The following SH2B1 variants were observed in gnomAD, a reference collection of about 807,000 sequenced individuals.
The protein encoded by SH2B1 is SH2B adapter protein 1.
SH2B1 carries 15 observed loss-of-function variants against 62.6 expected under a neutral mutation model. The ratio of observed to expected loss-of-function variants is 0.24; its 90% CI spans 0.16 to 0.37. The LOEUF (loss-of-function observed/expected upper bound fraction) is 0.37, where lower values mean the gene tolerates loss of function less well. Ranked by LOEUF, SH2B1 falls within the 10% of genes least tolerant of loss-of-function variation. The pLI is 1.00. For missense variants in SH2B1, 925 were observed against 1,015.6 expected (o/e 0.91, Z 1.21); for synonymous variants, 443 against 438.0 (o/e 1.01, Z -0.14).
rs757504147 is a variant in SH2B1 at position 28,872,421 on chromosome 16, A to G, written c.1725+20A>G. 1.3e-6 allele frequency: 2 copies of G among 1,588,448 alleles called. No homozygotes were observed. The highest frequency in any genetic ancestry group is 1.7e-6 in the Non-Finnish European group (2 of 1,165,914). On this transcript the variant is annotated intron_variant, in intron 6 of 7. Transcript: ENST00000684370. The surrounding 1 kb of genome is among the most constrained non-coding windows in gnomAD (Gnocchi z 5.3). Reference sequence around the variant, plus strand: ...GCCAAGGTGAGCCACCCTGTGGGAAAGGCTCTGTTCTGTGCATAGTTGGCA... The same window carrying G: ...GCCAAGGTGAGCCACCCTGTGGGAAGGGCTCTGTTCTGTGCATAGTTGGCA...
At chr16:28,852,808 ACATATATTTACATATATATT>A (rs1962190213) in intron 1 of SH2B1, among the ~76,000 whole-genome samples, 1 of 53,526 alleles carries the variant, frequency 1.9e-5, no homozygotes, top group African/African-American at 8.2e-5. Flanking sequence ...ATATATATTT[ACATATATTTACATATATATT>A]TATATATATA....
upstream of SH2B1, among the ~76,000 whole-genome samples, chr16:28,859,095 C>T (rs1962382412): frequency 6.6e-6 from 1 of 151,958 alleles, no homozygotes; most frequent in Non-Finnish European, 1.5e-5. Context: ...GCATGGACCA[C>T]CCAACCTGGC....
intron 1 of SH2B1, among the ~76,000 whole-genome samples, chr16:28,854,743 G>A (rs975319377): frequency 6.6e-6 from 1 of 152,092 alleles, no homozygotes; most frequent in South Asian, 2.1e-4. Context: ...GTAACAGAAC[G>A]AGACCCTGTC....
At chr16:28,867,493 AT>A in intron 2 of SH2B1, 61 bp downstream of exon 2, 1 of 1,324,010 alleles carries the variant, frequency 7.6e-7, no homozygotes, top group Admixed American at 1.7e-5. Flanking sequence ...CCCTCAGCGC[AT>A]TTAAGCAAGT....
chr16:28,860,629 G>A (rs1460355577), upstream of SH2B1, among the ~76,000 whole-genome samples: 1 of 152,090 alleles, frequency 6.6e-6, no homozygotes, highest in Non-Finnish European at 1.5e-5. Context: ...TCACGCAGCA[G>A]TCTCTTAGTT....
intron 1 of SH2B1, among the ~76,000 whole-genome samples, chr16:28,855,838 G>A (rs149601295): frequency 0.32 from 34,683 of 109,876 alleles, 5,821 homozygotes; most frequent in Admixed American, 0.44. Context: ...TGGATTTTTA[G>A]TAGAGATGGG....
intron 1 of SH2B1, among the ~76,000 whole-genome samples, chr16:28,852,785 C>CATATATATTTTT (rs1962187097): frequency 2.4e-5 from 1 of 41,666 alleles, no homozygotes; most frequent in African/African-American, 8.8e-5. Context: ...TATATATTTA[C>CATATATATTTTT]ATATATATTT....
chr16:28,852,509 T>C lies in SH2B1; in HGVS notation c.-301+5682T>C, dbSNP rs1186799208. On this transcript the variant is annotated intron_variant, in intron 1 of 10. Coordinates refer to the SH2B1 transcript ENST00000322610. ...ATATACATACATATATTTATATATA[T>C]ACACATATATTTATATATATACACA... is the stretch of plus-strand genomic sequence containing the variant. Among the ~76,000 whole-genome samples, 19 of 63,644 alleles carry C rather than the reference T, an allele frequency of 3.0e-4. 5 individuals carry two copies. The highest frequency in any genetic ancestry group is 1.1e-3 in the Admixed American group (4 of 3,548). 41.8% of individuals were successfully genotyped at this position (63,644 alleles called of 152,430 possible).
rs1028568055 is a variant in SH2B1, at chr16:28,873,325, G to A, written c.1898-122G>A. The A allele has an allele frequency of 2.5e-6, 4 of 1,592,684 alleles. No individual in the cohort carries two copies. The African/African-American group carries it at 4.0e-5, about 16-fold the overall frequency. ...ATGATCCATCTTCCATGGATGGGGG[G>A]TTGCTCAGGAGATGGGATGTGGGGA... On this transcript the variant is annotated intron_variant, in intron 7 of 7. Coordinates refer to ENST00000684370, the MANE Select transcript of SH2B1 (RefSeq NM_001387430.1). The surrounding 1 kb of genome is among the most constrained non-coding windows in gnomAD (Gnocchi z 4.2).
upstream of SH2B1, among the ~76,000 whole-genome samples, chr16:28,861,093 A>AT (rs1962434054): frequency 6.6e-6 from 1 of 150,938 alleles, no homozygotes; most frequent in Admixed American, 6.6e-5. Flanking sequence ...GCTGGGATTG[A>AT]TAACAGTGGG....
chr16:28,873,060 A>G lies in SH2B1; in HGVS notation c.1897+355A>G. On this transcript the variant is annotated intron_variant, in intron 7 of 7. Transcript: ENST00000684370. The surrounding 1 kb of genome is among the most constrained non-coding windows in gnomAD (Gnocchi z 4.2). The stretch of plus-strand genomic sequence containing the variant: ...CCTTGGGCCTGCCCTTCCCGGGGAC[A>G]CTCGGTCTGATCCCCTTCCCTCCTC... 1.3e-6 allele frequency: 1 copy of G among 780,428 alleles called. No homozygotes were observed. Among genetic ancestry groups the G allele is most frequent in the Non-Finnish European group, 2.0e-6 (1 of 496,800 alleles). 48.3% of individuals were successfully genotyped at this position (780,428 alleles called of 1,614,324 possible).
Position 28,852,440 on chromosome 16 carries a change from A to ATATATTTACATATATATT in SH2B1, c.-301+5618_-301+5619insTTACATATATATTTATAT, listed in dbSNP as rs1962150105. On this transcript the variant is annotated intron_variant, in intron 1 of 10. Transcript: ENST00000322610. The stretch of plus-strand genomic sequence containing the variant: ...TTTATATATTTACATATATATTTAT[A>ATATATTTACATATATATT]TATATATTTACATATATATTTATAT... 1.0e-4 allele frequency among the ~76,000 whole-genome samples: 6 copies of ATATATTTACATATATATT among 58,948 alleles called. 2 individuals are homozygous for ATATATTTACATATATATT. Among genetic ancestry groups the ATATATTTACATATATATT allele is most frequent in the South Asian group, 5.8e-4 (1 of 1,716 alleles). The allele number at this position is 58,948 out of a possible 152,430, so 38.7% of individuals were successfully genotyped here.
chr16:28,866,122 G>T lies in SH2B1; in HGVS notation c.28G>T (p.Gly10Trp). 3 of 1,587,194 alleles carry T rather than the reference G, an allele frequency of 1.9e-6. No homozygotes were observed. Among genetic ancestry groups the T allele is most frequent in the African/African-American group, 1.3e-5 (1 of 74,420 alleles). MNGAPSPED[G>W]ASPSSPPLPP... ...GAATGGTGCCCCTTCCCCAGAGGACGGGGCCTCCCCCTCGTCTCCCCCGCT... is the reference window on the plus strand; with the variant it reads ...GAATGGTGCCCCTTCCCCAGAGGACTGGGCCTCCCCCTCGTCTCCCCCGCT... The change falls in exon 1 of 8, where the codon GGG (glycine) becomes TGG (tryptophan). Residue 10 changes from glycine (G) to tryptophan (W), a missense_variant. Physicochemically the swap from Gly to Trp is radical, Grantham distance 184. Transcript: ENST00000684370. This position sits in a 1 kb window ranked among gnomAD's most constrained non-coding sequence, Gnocchi z 6.3.
chr16:28,852,995 T>TATATATTTTATATGTAC (rs1962220544), intron 1 of SH2B1, among the ~76,000 whole-genome samples: 1 of 39,810 alleles, frequency 2.5e-5, no homozygotes, highest in African/African-American at 1.1e-4. Flanking sequence ...TATATGTACA[T>TATATATTTTATATGTAC]ATATATGTAC....
At chr16:28,858,930 C>CTGGAGTGAG, upstream of SH2B1, among the ~76,000 whole-genome samples, 1 of 141,544 alleles carries the variant, frequency 7.1e-6, no homozygotes, top group Non-Finnish European at 1.5e-5. Flanking sequence ...GGTGACACAG[C>CTGGAGTGAG]AAGACTGTTT....
chr16:28,858,018 C>T (rs1280548932), intron 1 of SH2B1, among the ~76,000 whole-genome samples: 3 of 151,884 alleles, frequency 2.0e-5, no homozygotes, highest in Non-Finnish European at 2.9e-5. Context: ...GGATTACAGG[C>T]GTGAGCCACC....
In SH2B1 at chr16:28,873,323, G is replaced by T; in HGVS notation, c.1898-124G>T. The T allele has an allele frequency of 6.3e-7, 1 of 1,591,840 alleles. No individual in the cohort carries two copies. The highest frequency in any genetic ancestry group is 8.6e-7 in the Non-Finnish European group (1 of 1,168,434). On this transcript the variant is annotated intron_variant, in intron 7 of 7. Transcript: ENST00000684370. The surrounding 1 kb of genome is among the most constrained non-coding windows in gnomAD (Gnocchi z 4.2). ...CCATGATCCATCTTCCATGGATGGG[G>T]GGTTGCTCAGGAGATGGGATGTGGG...
At chr16:28,852,317 CATATATATATTTACATATATATTTACAT>C (rs1962130952) in intron 1 of SH2B1, among the ~76,000 whole-genome samples, 1 of 45,848 alleles carries the variant, frequency 2.2e-5, no homozygotes, top group African/African-American at 9.2e-5. Context: ...TATATATTTA[CATATATATATTTACATATATATTTACAT>C]ATATATTTAT....
Position 28,848,740 on chromosome 16 carries a change from C to T in SH2B1, c.-301+1913C>T, listed in dbSNP as rs188028496. ...CAGCTGGAGTGCAGTGACACGATCT[C>T]GGCTCACTGCAACCTCCATCTCCCA... is the stretch of plus-strand genomic sequence containing the variant. On this transcript the variant is annotated intron_variant, in intron 1 of 10. Transcript: ENST00000322610. Among the ~76,000 whole-genome samples the T allele has an allele frequency of 2.3e-3, 344 of 147,346 alleles. 1 individual carries two copies. Among genetic ancestry groups the T allele is most frequent in the African/African-American group, 8.5e-3 (332 of 38,886 alleles).
Sources: gnomAD v4.1 joint callset for allele counts (sites outside exome capture counted in the v4.1 genomes callset) on GRCh38, gnomAD v4.1.1 for gene constraint, Gnocchi (gnomAD v3.1) non-coding constraint, MANE v1.5 for transcripts, NCBI Gene and HGNC (gene_info 2026-07-23, HGNC 2026-07-21) for gene names.